Variants in NPSR1 observed in about 807,000 individuals in gnomAD.
The protein encoded by NPSR1 is neuropeptide S receptor.
In NPSR1, 48 loss-of-function variants were observed where a neutral mutation model predicts 46.9. The ratio of observed to expected loss-of-function variants is 1.02; its 90% CI spans 0.81 to 1.30. The LOEUF (loss-of-function observed/expected upper bound fraction) is 1.30. Ranked by LOEUF, NPSR1 falls within the 50% of genes most tolerant of loss-of-function variation. The pLI, the probability that NPSR1 is intolerant of heterozygous loss-of-function variation, is 0.00. For missense variants in NPSR1, 450 were observed against 449.5 expected, an observed-to-expected ratio of 1.00 and a Z score of -0.01; for synonymous variants, 176 against 168.1, an observed-to-expected ratio of 1.05 and a Z score of -0.36.
rs928693970 is a variant in NPSR1, at chr7:34,750,811, G to A, written c.281-27651G>A. 4 of 693,604 alleles carry A rather than the reference G, an allele frequency of 5.8e-6. No homozygotes were observed. In the African/African-American group the frequency reaches 7.1e-5, roughly 12 times the overall value. The allele number at this position is 693,604 out of a possible 1,614,324, so 43.0% of individuals were successfully genotyped here. ...GCTGCACCTGCTCAGTTTAGGCTGTGTGGAACCGCTGACACAGCTTTTCCA... is the reference window on the plus strand; with the variant it reads ...GCTGCACCTGCTCAGTTTAGGCTGTATGGAACCGCTGACACAGCTTTTCCA... On this transcript the variant is annotated intron_variant, in intron 2 of 8. Transcript: ENST00000360581.
At chr7:34,777,652 G>A (rs1787031590) in intron 2 of NPSR1, among the ~76,000 whole-genome samples, 1 of 152,060 alleles carries the variant, frequency 6.6e-6, no homozygotes, top group South Asian at 2.1e-4. Context: ...AACGATCAGT[G>A]GAACCTTCTA....
intron 2 of NPSR1, among the ~76,000 whole-genome samples, chr7:34,696,807 G>T (rs1470345462): frequency 6.6e-6 from 1 of 151,890 alleles, no homozygotes; most frequent in Non-Finnish European, 1.5e-5. Context: ...ACTCTTTAAA[G>T]ACATCAAAAC....
At chr7:34,727,881 G>A (rs1303158944) in intron 2 of NPSR1, among the ~76,000 whole-genome samples, 4 of 151,874 alleles carry the variant, frequency 2.6e-5, no homozygotes, top group East Asian at 1.9e-4. Flanking sequence ...CCCAAAGATC[G>A]TTATTGAAAT....
chr7:34,851,853 A>G (rs1157908943), downstream of NPSR1, among the ~76,000 whole-genome samples: 2 of 152,218 alleles, frequency 1.3e-5, no homozygotes, highest in African/African-American at 2.4e-5. Flanking sequence ...TCATTTCCCG[A>G]GAAGACTGGA....
At chr7:34,842,880 A>G (rs568388839) in intron 6 of NPSR1, among the ~76,000 whole-genome samples, 1 of 152,302 alleles carries the variant, frequency 6.6e-6, no homozygotes, top group Non-Finnish European at 1.5e-5. Flanking sequence ...GTTTGCCTTC[A>G]GTTCTCTCCT....
chr7:34,776,162 C>G (rs1365596304), intron 2 of NPSR1, among the ~76,000 whole-genome samples: 1 of 152,016 alleles, frequency 6.6e-6, no homozygotes, highest in Non-Finnish European at 1.5e-5. Context: ...ATATAGTCTA[C>G]TCTTGAGAAT....
At chr7:34,862,559 C>A (rs1791214308) in intron 8 of NPSR1, among the ~76,000 whole-genome samples, 1 of 151,752 alleles carries the variant, frequency 6.6e-6, no homozygotes, top group African/African-American at 2.4e-5. Context: ...GTTTCTCTTT[C>A]TTTGCCTGGA....
At chr7:34,790,351 A>ATTT in intron 3 of NPSR1, among the ~76,000 whole-genome samples, 1 of 152,072 alleles carries the variant, frequency 6.6e-6, no homozygotes, top group Non-Finnish European at 1.5e-5. Context: ...TCAACAAATT[A>ATTT]GGTACAGAAG....
chr7:34,878,245 G>A, exon 9 of NPSR1: 1 of 991,558 alleles, frequency 1.0e-6, no homozygotes, highest in Non-Finnish European at 1.6e-6. Flanking sequence ...CTGCTTACCA[G>A]GGCACAAGGA....
intron 2 of NPSR1, among the ~76,000 whole-genome samples, chr7:34,758,642 A>G (rs922609702): frequency 1.3e-5 from 2 of 152,216 alleles, no homozygotes; most frequent in African/African-American, 4.8e-5. Context: ...AGAGTAGTAC[A>G]AATACCCCCA....
intron 8 of NPSR1, among the ~76,000 whole-genome samples, chr7:34,864,742 G>C (rs1791269925): frequency 6.6e-6 from 1 of 151,794 alleles, no homozygotes; most frequent in Non-Finnish European, 1.5e-5. Flanking sequence ...ATAAAACAAA[G>C]AGAACAGAGA....
At chr7:34,794,314 C>G (rs1302003129) in intron 3 of NPSR1, among the ~76,000 whole-genome samples, 2 of 152,028 alleles carry the variant, frequency 1.3e-5, no homozygotes, top group Non-Finnish European at 2.9e-5. Flanking sequence ...ATACACATAT[C>G]AAAACATCAT....
chr7:34,836,984 T>A (rs916503271), intron 6 of NPSR1, among the ~76,000 whole-genome samples: 7 of 152,262 alleles, frequency 4.6e-5, no homozygotes, highest in Non-Finnish European at 1.0e-4. Context: ...ATCCCTTTTA[T>A]AGATATGTGC....
At chr7:34,795,107 C>A (rs1035222416) in intron 3 of NPSR1, among the ~76,000 whole-genome samples, 6 of 152,042 alleles carry the variant, frequency 3.9e-5, no homozygotes, top group African/African-American at 1.2e-4. Context: ...AAGACTGGTT[C>A]AACACTGGAT....
chr7:34,687,432 C>T (rs1011820169), intron 2 of NPSR1, among the ~76,000 whole-genome samples: 7 of 152,136 alleles, frequency 4.6e-5, no homozygotes, highest in Non-Finnish European at 7.4e-5. Flanking sequence ...TTCTGCATTG[C>T]TAGGGAGACC....
chr7:34,660,051 A>C, intron 1 of NPSR1: 1 of 455,304 alleles, frequency 2.2e-6, no homozygotes, highest in South Asian at 1.6e-5. Context: ...TAGCACCTAC[A>C]GGGATATTTG....
chr7:34,811,908 G>C (rs767009460), intron 4 of NPSR1, 45 bp downstream of exon 4: 5 of 1,233,634 alleles, frequency 4.1e-6, no homozygotes, highest in Non-Finnish European at 4.8e-6. Context: ...AACTGTCCTT[G>C]AGTGAGGGTA....
intron 2 of NPSR1, among the ~76,000 whole-genome samples, chr7:34,775,315 C>A (rs1786902549): frequency 6.6e-6 from 1 of 152,084 alleles, no homozygotes; most frequent in Admixed American, 6.6e-5. Context: ...TTGGATGTGT[C>A]TTTGTCTGGT....
intron 8 of NPSR1, among the ~76,000 whole-genome samples, chr7:34,876,371 C>T (rs922670025): frequency 3.8e-4 from 58 of 152,266 alleles, no homozygotes; most frequent in Non-Finnish European, 6.3e-4. Flanking sequence ...ATTAGCTGTA[C>T]GTGGTGATAT....
Sources: allele counts gnomAD v4.1 joint callset (sites outside exome capture counted in the v4.1 genomes callset), GRCh38; gene constraint gnomAD v4.1.1; transcripts MANE v1.5; gene names NCBI Gene and HGNC (gene_info 2026-07-23, HGNC 2026-07-21).